The following DHTKD1 variants were observed in gnomAD, a reference collection of about 807,000 sequenced individuals.
DHTKD1 encodes 2-oxoadipate dehydrogenase complex component E1.
In DHTKD1, 78 loss-of-function variants were observed where a neutral mutation model predicts 101.8. The observed-to-expected ratio is 0.77, with a 90% confidence interval of 0.64 to 0.93. The LOEUF (loss-of-function observed/expected upper bound fraction) is 0.93. DHTKD1 is among the 40% of genes least tolerant of loss of function. The probability of loss-of-function intolerance (pLI) is 0.00; values close to 1 mark genes in which losing one functional copy is unlikely to be tolerated. For synonymous variants in DHTKD1, 462 were observed against 450.3 expected, an observed-to-expected ratio of 1.03 and a Z score of -0.33; for missense variants, 1,223 against 1,161.7, an observed-to-expected ratio of 1.05 and a Z score of -0.77.
rs746341469 is a variant in DHTKD1, at chr10:12,069,088, C to T, written c.55C>T (p.Leu19Phe). 9 of 1,612,788 alleles carry T rather than the reference C, an allele frequency of 5.6e-6. No homozygotes were observed. Among genetic ancestry groups the T allele is most frequent in the Non-Finnish European group, 6.8e-6 (8 of 1,179,594 alleles). ...ARRGLGRALP[L>F]FWRGYQTERG... is the part of the protein sequence containing the mutation. The stretch of plus-strand genomic sequence containing the variant: ...ACGGGGCCTCGGCCGGGCTCTCCCT[C>T]TCTTCTGGCGTGGCTACCAGACCGA... Residue 19 changes from leucine (L) to phenylalanine (F), a missense_variant, in exon 1 of 17, where the codon CTC (leucine) becomes TTC (phenylalanine). Physicochemically the swap from Leu to Phe is conservative, Grantham distance 22 (BLOSUM62 0). Transcript: ENST00000263035.
At chr10:12,086,674 C>G (rs892190062) in intron 3 of DHTKD1, among the ~76,000 whole-genome samples, 25 of 152,050 alleles carry the variant, frequency 1.6e-4, no homozygotes, top group Non-Finnish European at 5.9e-5. Context: ...ACAGGACATA[C>G]TGTCACCATT....
At chr10:12,075,959 A>T (rs1035049193) in intron 1 of DHTKD1, among the ~76,000 whole-genome samples, 3 of 150,310 alleles carry the variant, frequency 2.0e-5, no homozygotes, top group Non-Finnish European at 4.4e-5. Flanking sequence ...AAAAAAAGGA[A>T]AAAGAAAATA....
chr10:12,076,565 A>C (rs1339524554), intron 1 of DHTKD1, among the ~76,000 whole-genome samples: 2 of 150,698 alleles, frequency 1.3e-5, no homozygotes, highest in Non-Finnish European at 3.0e-5. Context: ...GGGTGTGATG[A>C]CGTGCACCTG....
In DHTKD1 at chr10:12,107,606, C is replaced by T. The variant is rs546057345; in HGVS notation, c.2048-303C>T. ...CTAATTTTTGTATTTTTAGTAGAGACGGGGTTTCACCATGTTGGCCAGGCT... is the reference window on the plus strand; with the variant it reads ...CTAATTTTTGTATTTTTAGTAGAGATGGGGTTTCACCATGTTGGCCAGGCT... On this transcript the variant is annotated intron_variant, in intron 11 of 16. Transcript: ENST00000263035. The surrounding 1 kb of genome is among the most constrained non-coding windows in gnomAD (Gnocchi z 4.1). Among the ~76,000 whole-genome samples the T allele has an allele frequency of 4.6e-5, 7 of 151,714 alleles. No homozygotes were observed. The highest frequency in any genetic ancestry group is 4.2e-4 in the South Asian group (2 of 4,800).
rs572897434 is a variant in DHTKD1, at chr10:12,117,804, A to T, written c.2402+49A>T. ...ATATTCTGTGGCAGAATTTTAATTA[A>T]TGGGAAAAGTAGTTCACATTAAGAG... On this transcript the variant is annotated intron_variant, in intron 14 of 16. Transcript: ENST00000263035. 12 of 1,001,244 alleles carry T rather than the reference A, an allele frequency of 1.2e-5. No individual in the cohort carries two copies. The East Asian group carries it at 3.1e-4, about 26-fold the overall frequency. The allele number at this position is 1,001,244 out of a possible 1,614,324, so 62.0% of individuals were successfully genotyped here. A position where few individuals can be genotyped will look rare whatever the true frequency, so the allele number is the denominator to read the frequency against.
chr10:12,083,038 G>A (rs1832846802), intron 2 of DHTKD1, among the ~76,000 whole-genome samples: 1 of 152,014 alleles, frequency 6.6e-6, no homozygotes, highest in Non-Finnish European at 1.5e-5. Context: ...CTACTCGGGA[G>A]GCTGAGGCAA....
chr10:12,073,750 A>G (rs1832684406), intron 1 of DHTKD1, among the ~76,000 whole-genome samples: 1 of 152,140 alleles, frequency 6.6e-6, no homozygotes, highest in Non-Finnish European at 1.5e-5. Context: ...GTGCATCCCC[A>G]CCAGGCCCCA....
chr10:12,081,960 C>CAAAAAA (rs772486162), intron 2 of DHTKD1, among the ~76,000 whole-genome samples: 1 of 88,898 alleles, frequency 1.1e-5, no homozygotes, highest in Non-Finnish European at 2.2e-5. Context: ...ACTGTCTCTA[C>CAAAAAA]AAAAAAAAAA....
At chr10:12,088,763 T>A (rs1832942127) in intron 4 of DHTKD1, among the ~76,000 whole-genome samples, 1 of 152,036 alleles carries the variant, frequency 6.6e-6, no homozygotes, top group Non-Finnish European at 1.5e-5. Context: ...TTTTGTATTT[T>A]TAATAGAGAC....
chr10:12,091,578 C>T lies in DHTKD1; in HGVS notation c.1053C>T (p.Leu351=). The T allele has an allele frequency of 6.2e-7, 1 of 1,613,410 alleles. No homozygotes were observed. The highest frequency in any genetic ancestry group is 2.2e-5 in the East Asian group (1 of 44,870). ...IVPETFTLSN[L]PHFRIGGSVH... is the part of the protein sequence containing the mutation. ...CTGAAACATTCACGCTGTCCAATCT[C>T]CCACATTTCAGAATTGGTGGGAGTG... The change falls in exon 6 of 17, where the codon CTC becomes CTT. Residue 351 remains leucine (L), a synonymous_variant. Transcript: ENST00000263035.
intron 1 of DHTKD1, among the ~76,000 whole-genome samples, chr10:12,071,158 T>A (rs1267065364): frequency 6.6e-6 from 1 of 152,198 alleles, no homozygotes; most frequent in Non-Finnish European, 1.5e-5. Flanking sequence ...TCAGGTGCTG[T>A]GATATACAAA....
rs1269615759 is a variant in DHTKD1, at chr10:12,107,669, C to T, written c.2048-240C>T. The stretch of plus-strand genomic sequence containing the variant: ...CTGACCTCAAGTGATCTATCCGCCT[C>T]AGCCTCCCAAAGTGCTGGGATTACA... On this transcript the variant is annotated intron_variant, in intron 11 of 16. Coordinates refer to ENST00000263035, the MANE Select transcript of DHTKD1 (RefSeq NM_018706.7). The surrounding 1 kb of genome is among the most constrained non-coding windows in gnomAD (Gnocchi z 4.1). Among the ~76,000 whole-genome samples the T allele has an allele frequency of 2.6e-5, 4 of 152,134 alleles. No individual in the cohort carries two copies. The highest frequency in any genetic ancestry group is 5.9e-5 in the Non-Finnish European group (4 of 68,044).
At chr10:12,091,468 T>G in intron 5 of DHTKD1, 45 bp from the exon 6 acceptor site, 1 of 1,411,034 alleles carries the variant, frequency 7.1e-7, no homozygotes, top group Non-Finnish European at 9.6e-7. Context: ...CTTAATCCCT[T>G]ATGTTTCTTT....
intron 1 of DHTKD1, among the ~76,000 whole-genome samples, chr10:12,070,079 A>G (rs12258117): frequency 0.043 from 6,527 of 152,130 alleles, 476 homozygotes; most frequent in African/African-American, 0.15. Flanking sequence ...TTTAACTCTT[A>G]ACTCTGCTGA....
At chr10:12,109,382 G>A (rs1833294944) in intron 12 of DHTKD1, among the ~76,000 whole-genome samples, 1 of 151,658 alleles carries the variant, frequency 6.6e-6, no homozygotes, top group South Asian at 2.1e-4. Flanking sequence ...ACTAAAGCAT[G>A]ACATGTGAAA....
intron 5 of DHTKD1, 104 bp from the exon 6 acceptor site, chr10:12,091,409 C>G (rs1162546921): frequency 5.6e-6 from 1 of 178,588 alleles, no homozygotes; most frequent in Admixed American, 1.3e-4. Flanking sequence ...AAGACTCTGT[C>G]TCAAAAAAAA....
chr10:12,114,341 G>A (rs1163469236), intron 13 of DHTKD1, among the ~76,000 whole-genome samples: 1 of 150,426 alleles, frequency 6.6e-6, no homozygotes, highest in East Asian at 1.9e-4. Context: ...CTATCACCCA[G>A]GCTGGATTGC....
chr10:12,112,803 C>T, intron 12 of DHTKD1, 97 bp from the exon 13 acceptor site: 1 of 1,231,778 alleles, frequency 8.1e-7, no homozygotes, highest in South Asian at 1.6e-5. Flanking sequence ...CTGCTATAAT[C>T]AAGAACACCT....
Position 12,121,025 on chromosome 10 carries a change from G to C in DHTKD1, c.*137G>C, listed in dbSNP as rs1205876138. ...ACCTGAGGTCAGGAGTTCGAGACCA[G>C]CCTGGCCAACACGGTGAAACCCCGC... On this transcript the variant is annotated 3_prime_UTR_variant, in exon 17 of 17. Transcript: ENST00000263035. The C allele has an allele frequency of 2.4e-5, 16 of 657,042 alleles. No individual in the cohort carries two copies. In the East Asian group the frequency reaches 5.3e-4, roughly 22 times the overall value. 40.7% of individuals were successfully genotyped at this position (657,042 alleles called of 1,614,324 possible).
Sources: allele counts gnomAD v4.1 joint callset (sites outside exome capture counted in the v4.1 genomes callset), GRCh38; gene constraint gnomAD v4.1.1; non-coding constraint Gnocchi (gnomAD v3.1); transcripts MANE v1.5; gene names NCBI Gene and HGNC (gene_info 2026-07-23, HGNC 2026-07-21).